DGCR2: variants seen among roughly 807,000 people sequenced by gnomAD.
DGCR2 encodes integral membrane protein DGCR2/IDD.
A neutral mutation model predicts 51.6 loss-of-function variants in DGCR2; 24 were observed. That is an observed-to-expected ratio of 0.47 (90% CI 0.34 to 0.65). The LOEUF is 0.65. DGCR2 is among the 30% of genes least tolerant of loss of function. DGCR2 has a pLI of 0.01. For synonymous variants in DGCR2, 340 were observed against 315.4 expected (o/e 1.08, Z -0.82); for missense variants, 765 against 772.1 (o/e 0.99, Z 0.11).
At chr22:19,103,210 A>C (rs960454570) in intron 1 of DGCR2, among the ~76,000 whole-genome samples, 3 of 151,906 alleles carry the variant, frequency 2.0e-5, no homozygotes, top group Non-Finnish European at 4.4e-5. Context: ...ATACAGACAG[A>C]AATTGCCAAA....
At chr22:19,105,987 C>T (rs962456135) in intron 1 of DGCR2, among the ~76,000 whole-genome samples, 2 of 152,092 alleles carry the variant, frequency 1.3e-5, no homozygotes, top group Non-Finnish European at 2.9e-5. Context: ...ATCGCTGCCA[C>T]TGCCCCGTAG....
rs1793743154 is a variant in DGCR2, at chr22:19,057,476, T to TA, written c.626-315dup. 1.3e-5 allele frequency among the ~76,000 whole-genome samples: 2 copies of TA among 152,316 alleles called. No individual in the cohort carries two copies. Among genetic ancestry groups the TA allele is most frequent in the Non-Finnish European group, 1.5e-5 (1 of 68,030 alleles). On this transcript the variant is annotated intron_variant, in intron 5 of 9. Coordinates refer to ENST00000263196, the MANE Select transcript of DGCR2 (RefSeq NM_005137.3). This position sits in a 1 kb window ranked among gnomAD's most constrained non-coding sequence, Gnocchi z 5.1. Reference sequence around the variant, plus strand: ...ACGGTTAGTGGGTGGCATTTAAAGTTAGAGCAACAGCATAATAACAAAGTA... The same window carrying TA: ...ACGGTTAGTGGGTGGCATTTAAAGTTAAGAGCAACAGCATAATAACAAAGTA...
chr22:19,042,449 A>G (rs2082442835), intron 7 of DGCR2, among the ~76,000 whole-genome samples: 1 of 152,236 alleles, frequency 6.6e-6, no homozygotes. Flanking sequence ...TCAGTTGCCC[A>G]GCAAGAATGA....
chr22:19,111,850 TTA>T (rs766564408), intron 1 of DGCR2, among the ~76,000 whole-genome samples: 3 of 77,738 alleles, frequency 3.9e-5, no homozygotes, highest in South Asian at 4.9e-4. Context: ...TTTTTATTTT[TTA>T]TTTATTTATT....
At chr22:19,083,706 C>CCCCTCCCCCTCT (rs1308117404) in intron 2 of DGCR2, among the ~76,000 whole-genome samples, 8,512 of 104,512 alleles carry the variant, frequency 0.081, 380 homozygotes, top group Non-Finnish European at 0.11. Context: ...CCTCCCCCTC[C>CCCCTCCCCCTCT]CCCTCTCCCT....
chr22:19,112,552 C>T lies in DGCR2; in HGVS notation c.79+9576G>A, dbSNP rs2083328532. Among the ~76,000 whole-genome samples the T allele has an allele frequency of 2.1e-5, 3 of 143,324 alleles. 1 individual carries two copies. The highest frequency in any genetic ancestry group is 2.1e-4 in the Admixed American group (3 of 14,356). The allele number at this position is 143,324 out of a possible 152,430, so 94.0% of individuals were successfully genotyped here. ...TGCTCACTGGGCTCAAACGATCCTC[C>T]CACCTCAGTCCCCTCCAAGTAGCTG... On this transcript the variant is annotated intron_variant, in intron 1 of 9. Coordinates refer to ENST00000263196, the MANE Select transcript of DGCR2 (RefSeq NM_005137.3).
intron 2 of DGCR2, among the ~76,000 whole-genome samples, chr22:19,076,416 C>T (rs902893396): frequency 6.6e-6 from 1 of 152,062 alleles, no homozygotes; most frequent in Non-Finnish European, 1.5e-5. Context: ...CCGCCCGCCT[C>T]GGCCTCCCAA....
chr22:19,080,869 CAGAA>C (rs1447739913), intron 2 of DGCR2, among the ~76,000 whole-genome samples: 10 of 152,250 alleles, frequency 6.6e-5, no homozygotes, highest in East Asian at 3.9e-4. Flanking sequence ...CTTATGGTAG[CAGAA>C]AGAGTCACCC....
rs564989027 is a variant in DGCR2, at chr22:19,114,604, C to G, written c.79+7524G>C. ...GAAGCAGCCAGTGGCACCGGAGAGA[C>G]CTCTGCATCAGCAGACCTAGTTTCA... On this transcript the variant is annotated intron_variant, in intron 1 of 9. Coordinates refer to ENST00000263196, the MANE Select transcript of DGCR2 (RefSeq NM_005137.3). Among the ~76,000 whole-genome samples, 20 of 152,362 alleles carry G rather than the reference C, an allele frequency of 1.3e-4. No homozygotes were observed. The East Asian group carries it at 3.7e-3, about 28-fold the overall frequency.
chr22:19,112,327 T>C (rs1482119635), intron 1 of DGCR2, among the ~76,000 whole-genome samples: 1 of 151,000 alleles, frequency 6.6e-6, no homozygotes, highest in Non-Finnish European at 1.5e-5. Context: ...AAAATTGAGA[T>C]GCTTCCTTAC....
chr22:19,050,042 AG>A (rs926738515), intron 6 of DGCR2, among the ~76,000 whole-genome samples: 16 of 152,172 alleles, frequency 1.1e-4, no homozygotes, highest in Non-Finnish European at 1.9e-4. Context: ...AGAGAGAAAG[AG>A]GCAAAAAAAA....
chr22:19,054,445 G>A lies in DGCR2; in HGVS notation c.802+2541C>T, dbSNP rs1366910972. ...ATACCTAAATTAACAAGTTACAGAA[G>A]TCTCCCTCGCCTGACCCAGATGGTC... On this transcript the variant is annotated intron_variant, in intron 6 of 9. Coordinates refer to ENST00000263196, the MANE Select transcript of DGCR2 (RefSeq NM_005137.3). Among the ~76,000 whole-genome samples the A allele has an allele frequency of 2.0e-5, 3 of 152,196 alleles. No homozygotes were observed. The East Asian group carries it at 5.8e-4, about 29-fold the overall frequency.
intron 5 of DGCR2, chr22:19,060,739 G>C (rs1368895441): frequency 2.7e-6 from 1 of 365,376 alleles, no homozygotes; most frequent in East Asian, 7.1e-5. Context: ...TCTGTCTCCA[G>C]GGCACATCAT....
Position 19,039,099 on chromosome 22 carries a change from C to T in DGCR2, c.1419G>A (p.Val473=), listed in dbSNP as rs746856325. 87 of 1,613,030 alleles carry T rather than the reference C, an allele frequency of 5.4e-5. No individual in the cohort carries two copies. The highest frequency in any genetic ancestry group is 6.7e-5 in the Non-Finnish European group (79 of 1,179,990). The change falls in exon 10 of 10, where the codon GTG becomes GTA. Residue 473 remains valine, a synonymous_variant. Transcript: ENST00000263196. ...DPADDDAFEP[V]EVSLPAPGDG... Reference sequence around the variant, plus strand: ...CCCCAGGGGCTGGCAGGCTGACCTCCACAGGCTCAAAAGCATCATCGTCTG... The same window carrying T: ...CCCCAGGGGCTGGCAGGCTGACCTCTACAGGCTCAAAAGCATCATCGTCTG...
chr22:19,061,912 G>A (rs41277594), intron 5 of DGCR2: 8 of 152,128 alleles, frequency 5.3e-5, no homozygotes, highest in Non-Finnish European at 1.2e-4. Flanking sequence ...TCACTCTCCT[G>A]CCTGAGGCTC....
intron 8 of DGCR2, 127 bp from the exon 9 acceptor site, chr22:19,041,421 C>CT (rs1183377425): frequency 1.1e-6 from 1 of 909,150 alleles, no homozygotes; most frequent in Non-Finnish European, 1.7e-6. Context: ...GCCCCGCTGC[C>CT]TACCCCTCGG....
chr22:19,086,795 G>C (rs979321989), intron 2 of DGCR2, among the ~76,000 whole-genome samples: 1 of 152,176 alleles, frequency 6.6e-6, no homozygotes, highest in Non-Finnish European at 1.5e-5. Context: ...CAATACTCAA[G>C]TGCAAAGTTG....
chr22:19,050,850 G>A (rs1263711735), intron 6 of DGCR2, among the ~76,000 whole-genome samples: 2 of 152,128 alleles, frequency 1.3e-5, no homozygotes. Flanking sequence ...CAGAAGAAAT[G>A]TAAGGCTAGG....
intron 2 of DGCR2, among the ~76,000 whole-genome samples, chr22:19,082,064 GTTTTTTTTT>G (rs544889246): frequency 1.9e-5 from 2 of 103,764 alleles, no homozygotes; most frequent in African/African-American, 5.9e-5. Context: ...GGTTTTTTTT[GTTTTTTTTT>G]TTTTGAAACA....
Sources: allele counts gnomAD v4.1 joint callset (sites outside exome capture counted in the v4.1 genomes callset), GRCh38; gene constraint gnomAD v4.1.1; non-coding constraint Gnocchi (gnomAD v3.1); transcripts MANE v1.5; gene names NCBI Gene and HGNC (gene_info 2026-07-23, HGNC 2026-07-21).